The following CLEC2D variants were observed in gnomAD, a reference collection of about 807,000 sequenced individuals.
CLEC2D encodes the protein C-type lectin domain family 2 member D, also known as C-type lectin related f.
Under a neutral mutation model 20.0 loss-of-function variants are expected in CLEC2D, and 16 were observed. The ratio of observed to expected loss-of-function variants is 0.80; its 90% CI spans 0.54 to 1.22. The LOEUF (loss-of-function observed/expected upper bound fraction) is 1.22, where lower values mean the gene tolerates loss of function less well. Ranked by LOEUF, CLEC2D falls within the 50% of genes most tolerant of loss-of-function variation. The pLI is 0.00. For synonymous variants in CLEC2D, 77 were observed against 71.1 expected (o/e 1.08, Z -0.42); for missense variants, 207 against 221.5 (o/e 0.93, Z 0.42).
chr12:9,677,707 CTTTTTTTTTTTTTT>C (rs36120151), intron 1 of CLEC2D, among the ~76,000 whole-genome samples: 1 of 122,434 alleles, frequency 8.2e-6, no homozygotes, highest in Non-Finnish European at 1.7e-5. Flanking sequence ...TTCTTTCTTT[CTTTTTTTTTTTTTT>C]TTTTTTTATT....
In CLEC2D at chr12:9,696,011, C is replaced by G; in HGVS notation, c.*1137C>G. 1 of 1,479,684 alleles carries G rather than the reference C, an allele frequency of 6.8e-7. No individual in the cohort carries two copies. Among genetic ancestry groups the G allele is most frequent in the South Asian group, 1.1e-5 (1 of 88,586 alleles). 91.7% of individuals were successfully genotyped at this position (1,479,684 alleles called of 1,614,324 possible). A position where few individuals can be genotyped will look rare whatever the true frequency, so the allele number is the denominator to read the frequency against. On this transcript the variant is annotated 3_prime_UTR_variant, in exon 5 of 5. Coordinates refer to ENST00000290855, the MANE Select transcript of CLEC2D (RefSeq NM_013269.6). ...TCAAAACCATCATCAACACCAAGAT[C>G]AAAAGGACAAGAATCCTTCAAAAAA...
At chr12:9,674,050 T>G (rs755821780) in intron 1 of CLEC2D, 1 of 152,574 alleles carries the variant, frequency 6.6e-6, no homozygotes, top group African/African-American at 2.4e-5. Flanking sequence ...TGATTGAGAC[T>G]GCTGGGCTCT....
chr12:9,689,293 A>G (rs1865816377), intron 3 of CLEC2D, among the ~76,000 whole-genome samples: 1 of 152,238 alleles, frequency 6.6e-6, no homozygotes. Context: ...CATGCACAAC[A>G]GAGAATAAAA....
intron 4 of CLEC2D, chr12:9,693,576 C>T: frequency 5.2e-6 from 1 of 192,792 alleles, no homozygotes; most frequent in Non-Finnish European, 1.1e-5. Context: ...TAAAAAGAGC[C>T]CCAGACTGGA....
At position 9,671,958 on chromosome 12, in the gene CLEC2D, G is replaced by GT. The variant is rs776890057; in HGVS notation, c.61+2173dup. 1.8e-3 allele frequency among the ~76,000 whole-genome samples: 270 copies of GT among 148,766 alleles called. 2 individuals are homozygous for GT. The highest frequency in any genetic ancestry group is 2.5e-3 in the East Asian group (13 of 5,114). ...TCACAGCAAAATTGTGAGAAAGGTA[G>GT]TTTTTTTTTTCATTTTCTCCTTGTT... is the stretch of plus-strand genomic sequence containing the variant. On this transcript the variant is annotated intron_variant, in intron 1 of 4. Transcript: ENST00000290855.
chr12:9,685,336 G>A (rs983786045), intron 2 of CLEC2D, among the ~76,000 whole-genome samples: 1 of 152,214 alleles, frequency 6.6e-6, no homozygotes, highest in Non-Finnish European at 1.5e-5. Flanking sequence ...ACTTGAAAAG[G>A]CAGTCTTTCC....
At chr12:9,675,540 A>G (rs2120900939) in intron 1 of CLEC2D, among the ~76,000 whole-genome samples, 1 of 152,304 alleles carries the variant, frequency 6.6e-6, no homozygotes, top group East Asian at 1.9e-4. Context: ...TGATTACTGT[A>G]GTTTTAGAGT....
chr12:9,681,514 T>C (rs1865635059), intron 2 of CLEC2D, among the ~76,000 whole-genome samples: 1 of 152,162 alleles, frequency 6.6e-6, no homozygotes. Flanking sequence ...ATGTAGCCCA[T>C]CTTCCTAGAA....
chr12:9,669,777 G>C lies in CLEC2D; in HGVS notation c.43G>C (p.Glu15Gln). The change falls in exon 1 of 5, where the codon GAA (glutamate) becomes CAA (glutamine). Residue 15 changes from glutamate (E) to glutamine (Q), a missense_variant. Glu to Gln is a conservative substitution (Grantham distance 29). Transcript: ENST00000290855. Reference sequence around the variant, plus strand: ...TGTGGAGAAAGACATTACACCATCTGAATTGCCTGCAAACCCAGGTAAGAA... The same window carrying C: ...TGTGGAGAAAGACATTACACCATCTCAATTGCCTGCAAACCCAGGTAAGAA... ...NNVEKDITPSELPANPGCLHS... is the reference protein window; with the variant it reads ...NNVEKDITPSQLPANPGCLHS... 6.2e-7 allele frequency: 1 copy of C among 1,613,796 alleles called. No individual in the cohort carries two copies.
intron 2 of CLEC2D, 25 bp downstream of exon 2, chr12:9,681,058 A>T (rs1274534400): frequency 8.7e-7 from 1 of 1,146,582 alleles, no homozygotes; most frequent in Admixed American, 1.8e-5. Flanking sequence ...ATCTTTATTC[A>T]TCTAGAGAGA....
At chr12:9,682,368 A>G (rs562453947) in intron 2 of CLEC2D, among the ~76,000 whole-genome samples, 3 of 151,996 alleles carry the variant, frequency 2.0e-5, no homozygotes, top group Non-Finnish European at 4.4e-5. Flanking sequence ...TCTGGTCCCT[A>G]ACTTTTTTTT....
chr12:9,695,303 G>A lies in CLEC2D; in HGVS notation c.*429G>A, dbSNP rs965855607. On this transcript the variant is annotated 3_prime_UTR_variant, in exon 5 of 5. Transcript: ENST00000290855. ...GTATGGGGCTCCCTGGTGTGATTCC[G>A]TCCTGCGCGGCTGTTCTCTGGAGCA... is the stretch of plus-strand genomic sequence containing the variant. The A allele has an allele frequency of 5.2e-5, 40 of 767,990 alleles. No individual in the cohort carries two copies. Among genetic ancestry groups the A allele is most frequent in the South Asian group, 2.0e-4 (14 of 71,370 alleles). 47.6% of individuals were successfully genotyped at this position (767,990 alleles called of 1,614,324 possible).
chr12:9,674,702 AATG>A (rs540555631), intron 1 of CLEC2D, among the ~76,000 whole-genome samples: 32 of 152,262 alleles, frequency 2.1e-4, no homozygotes, highest in Non-Finnish European at 3.5e-4. Flanking sequence ...AGTAATATGT[AATG>A]ATATCTCATT....
intron 1 of CLEC2D, among the ~76,000 whole-genome samples, chr12:9,678,618 T>C (rs1005224762): frequency 6.6e-6 from 1 of 152,170 alleles, no homozygotes; most frequent in African/African-American, 2.4e-5. Flanking sequence ...TAGCTCCCTG[T>C]ACCCTTGAAA....
chr12:9,682,932 A>G (rs193272933), intron 2 of CLEC2D, among the ~76,000 whole-genome samples: 16 of 152,324 alleles, frequency 1.1e-4, no homozygotes, highest in African/African-American at 2.9e-4. Flanking sequence ...TGTATTTTCC[A>G]AAATGGTTGA....
At chr12:9,686,173 T>C (rs1341522510) in intron 2 of CLEC2D, among the ~76,000 whole-genome samples, 1 of 151,808 alleles carries the variant, frequency 6.6e-6, no homozygotes, top group Non-Finnish European at 1.5e-5. Context: ...CTCTGTGGGC[T>C]GCACCCACTT....
intron 1 of CLEC2D, among the ~76,000 whole-genome samples, 190 bp downstream of exon 1, chr12:9,669,985 A>G (rs1865375684): frequency 6.6e-6 from 1 of 152,128 alleles, no homozygotes; most frequent in African/African-American, 2.4e-5. Context: ...AGTTCTAACA[A>G]CTAAGGAGAG....
chr12:9,695,721 A>G lies in CLEC2D; in HGVS notation c.*847A>G, dbSNP rs144423966. 7.4e-4 allele frequency: 1,125 copies of G among 1,527,970 alleles called. 7 individuals are homozygous for G. The African/African-American group carries it at 0.013, about 18-fold the overall frequency. 94.7% of individuals were successfully genotyped at this position (1,527,970 alleles called of 1,614,324 possible). On this transcript the variant is annotated 3_prime_UTR_variant, in exon 5 of 5. Coordinates refer to ENST00000290855, the MANE Select transcript of CLEC2D (RefSeq NM_013269.6). ...GTTCAGGGCCAGTGCATATTAGTGG[A>G]CAGCACTTAGTAGCTGTGAAGGAAG...
intron 1 of CLEC2D, among the ~76,000 whole-genome samples, chr12:9,672,003 T>C (rs1442868575): frequency 3.3e-5 from 5 of 152,162 alleles, no homozygotes; most frequent in Non-Finnish European, 7.4e-5. Flanking sequence ...ATATAGACTC[T>C]GTCTTAGTCT....
Sources: gnomAD v4.1 joint callset for allele counts (sites outside exome capture counted in the v4.1 genomes callset) on GRCh38, gnomAD v4.1.1 for gene constraint, MANE v1.5 for transcripts, NCBI Gene and HGNC (gene_info 2026-07-23, HGNC 2026-07-21) for gene names.